The following PRKCE variants were observed in gnomAD, a reference collection of about 807,000 sequenced individuals.
The protein encoded by PRKCE is protein kinase C epsilon.
In PRKCE, 16 loss-of-function variants were observed where a neutral mutation model predicts 85.4. The ratio of observed to expected loss-of-function variants is 0.19; its 90% CI spans 0.13 to 0.28. PRKCE has a LOEUF of 0.28. Among genes scored for constraint, PRKCE ranks in the 10% least tolerant of loss-of-function variants. The probability of loss-of-function intolerance (pLI) is 1.00; values close to 1 mark genes in which losing one functional copy is unlikely to be tolerated. For synonymous variants in PRKCE, 388 were observed against 371.5 expected (o/e 1.04, Z -0.51); for missense variants, 573 against 975.2 (o/e 0.59, Z 5.49).
intron 6 of PRKCE, among the ~76,000 whole-genome samples, chr2:45,998,377 C>T (rs915439577): frequency 1.3e-5 from 2 of 152,286 alleles, no homozygotes; most frequent in East Asian, 1.9e-4. Context: ...GGTACATACA[C>T]GTTAAAAATT....
chr2:46,093,212 T>C (rs1284368184), intron 11 of PRKCE, among the ~76,000 whole-genome samples: 1 of 152,210 alleles, frequency 6.6e-6, no homozygotes, highest in East Asian at 1.9e-4. Flanking sequence ...ATGAGTTAAA[T>C]CAGGGAGGGC....
intron 10 of PRKCE, among the ~76,000 whole-genome samples, chr2:46,040,136 G>A (rs986723243): frequency 3.3e-5 from 5 of 152,226 alleles, no homozygotes; most frequent in African/African-American, 4.8e-5. Flanking sequence ...TACACACAGT[G>A]TTTAGACACA....
intron 1 of PRKCE, among the ~76,000 whole-genome samples, chr2:45,672,378 A>ACATC (rs1231960272): frequency 2.7e-5 from 4 of 150,454 alleles, no homozygotes; most frequent in Admixed American, 6.6e-5. Context: ...ATCCATCTCT[A>ACATC]CATCCATCCA....
At chr2:46,053,800 A>T (rs1360642717) in intron 10 of PRKCE, among the ~76,000 whole-genome samples, 1 of 152,146 alleles carries the variant, frequency 6.6e-6, no homozygotes, top group Non-Finnish European at 1.5e-5. Context: ...CATTTTTGCA[A>T]TTGCGAGTAA....
In PRKCE at chr2:45,893,659, G is replaced by A. The variant is rs888229677; in HGVS notation, c.412+50596G>A. Among the ~76,000 whole-genome samples the A allele has an allele frequency of 5.9e-5, 9 of 152,236 alleles. No individual in the cohort carries two copies. The East Asian group carries it at 1.7e-3, about 30-fold the overall frequency. On this transcript the variant is annotated intron_variant, in intron 2 of 14. Coordinates refer to ENST00000306156, the MANE Select transcript of PRKCE (RefSeq NM_005400.3). Reference sequence around the variant, plus strand: ...TTACAGGCATGAGCCACCAAGCCCAGCCTGGCTCATGTCTTTCTGCTTGGG... The same window carrying A: ...TTACAGGCATGAGCCACCAAGCCCAACCTGGCTCATGTCTTTCTGCTTGGG...
Position 46,075,187 on chromosome 2 carries a change from C to A in PRKCE, c.1438-11021C>A, listed in dbSNP as rs185035257. Reference sequence around the variant, plus strand: ...TCCCGAGTAGCTGGGACTGTAGGCACGCACCACCACGCCCGGCTAACTTTT... The same window carrying A: ...TCCCGAGTAGCTGGGACTGTAGGCAAGCACCACCACGCCCGGCTAACTTTT... On this transcript the variant is annotated intron_variant, in intron 10 of 14. Transcript: ENST00000306156. Among the ~76,000 whole-genome samples, 683 of 152,046 alleles carry A rather than the reference C, an allele frequency of 4.5e-3. 4 individuals are homozygous for A. Among genetic ancestry groups the A allele is most frequent in the African/African-American group, 0.015 (615 of 41,470 alleles).
chr2:45,813,431 T>C (rs1688794175), intron 1 of PRKCE, among the ~76,000 whole-genome samples: 1 of 152,192 alleles, frequency 6.6e-6, no homozygotes, highest in African/African-American at 2.4e-5. Context: ...GGAAGGGGCT[T>C]ATTCCTGAGC....
At chr2:45,744,482 TTTCTTTTTCTTTCTTTCTTTTC>T (rs1682927604) in intron 1 of PRKCE, among the ~76,000 whole-genome samples, 20 of 56,860 alleles carry the variant, frequency 3.5e-4, no homozygotes, top group Admixed American at 7.5e-4. Context: ...TCTTTCTTTC[TTTCTTTTTCTTTCTTTCTTTTC>T]TTTCTTTCTT....
rs1678242054 is a variant in PRKCE at position 45,697,381 on chromosome 2, C to T, written c.348+44933C>T. 9.0e-6 allele frequency among the ~76,000 whole-genome samples: 1 copy of T among 111,688 alleles called. No individual in the cohort carries two copies. Among genetic ancestry groups the T allele is most frequent in the Non-Finnish European group, 2.2e-5 (1 of 44,918 alleles). 73.3% of individuals were successfully genotyped at this position (111,688 alleles called of 152,430 possible). Reference sequence around the variant, plus strand: ...CTCTGCCTCTTAATGGCGCTCTGACCTTCTATTGTTTTTGGCCAAAATATG... The same window carrying T: ...CTCTGCCTCTTAATGGCGCTCTGACTTTCTATTGTTTTTGGCCAAAATATG... On this transcript the variant is annotated intron_variant, in intron 1 of 14. Transcript: ENST00000306156. The surrounding 1 kb of genome is among the most constrained non-coding windows in gnomAD (Gnocchi z 4.2).
intron 6 of PRKCE, among the ~76,000 whole-genome samples, chr2:45,987,286 T>G (rs932643377): frequency 6.6e-6 from 1 of 151,956 alleles, no homozygotes; most frequent in Non-Finnish European, 1.5e-5. Flanking sequence ...AGGGTATCTG[T>G]CCATGGGAGC....
chr2:45,875,818 C>T (rs746795688), intron 2 of PRKCE, among the ~76,000 whole-genome samples: 7 of 152,226 alleles, frequency 4.6e-5, no homozygotes, highest in African/African-American at 7.2e-5. Context: ...AAACTCATCA[C>T]AGACGTTTTA....
intron 11 of PRKCE, among the ~76,000 whole-genome samples, chr2:46,100,496 C>G (rs1175436584): frequency 6.6e-6 from 1 of 152,206 alleles, no homozygotes; most frequent in African/African-American, 2.4e-5. Context: ...AGCAGGGATG[C>G]TTGCTCAGAA....
intron 2 of PRKCE, among the ~76,000 whole-genome samples, chr2:45,904,057 C>G (rs1005610199): frequency 9.2e-5 from 14 of 151,948 alleles, no homozygotes; most frequent in Non-Finnish European, 7.4e-5. Context: ...GCACGCACTA[C>G]CACACCCAGG....
At chr2:45,893,806 A>G (rs939409603) in intron 2 of PRKCE, among the ~76,000 whole-genome samples, 1 of 152,056 alleles carries the variant, frequency 6.6e-6, no homozygotes, top group African/African-American at 2.4e-5. Flanking sequence ...AGGCTTCCCA[A>G]CTATGCGGTG....
chr2:45,876,044 T>G (rs1694450664), intron 2 of PRKCE, among the ~76,000 whole-genome samples: 1 of 152,180 alleles, frequency 6.6e-6, no homozygotes, highest in Non-Finnish European at 1.5e-5. Flanking sequence ...GCTTCCCAGA[T>G]TTTGGTCTCT....
chr2:45,821,526 G>T (rs1204399973), intron 1 of PRKCE, among the ~76,000 whole-genome samples: 1 of 152,160 alleles, frequency 6.6e-6, no homozygotes, highest in East Asian at 1.9e-4. Flanking sequence ...TGCCCAAGGG[G>T]TGTCTCAGAG....
At chr2:46,074,360 C>T (rs1001132087) in intron 10 of PRKCE, among the ~76,000 whole-genome samples, 2 of 147,006 alleles carry the variant, frequency 1.4e-5, no homozygotes, top group African/African-American at 5.0e-5. Context: ...TTCTAATCCC[C>T]TGGTTAGTCA....
chr2:45,968,943 A>C (rs1701920444), intron 2 of PRKCE, among the ~76,000 whole-genome samples: 1 of 151,980 alleles, frequency 6.6e-6, no homozygotes, highest in Admixed American at 6.6e-5. Flanking sequence ...GGCCAGGTGA[A>C]GTTAGGTAAA....
At chr2:46,055,277 A>C (rs1181722964) in intron 10 of PRKCE, among the ~76,000 whole-genome samples, 1 of 152,224 alleles carries the variant, frequency 6.6e-6, no homozygotes, top group Non-Finnish European at 1.5e-5. Flanking sequence ...GCTGGCGACC[A>C]AAAGTGCTCG....
Sources: allele counts gnomAD v4.1 joint callset (sites outside exome capture counted in the v4.1 genomes callset), GRCh38; gene constraint gnomAD v4.1.1; non-coding constraint Gnocchi (gnomAD v3.1); transcripts MANE v1.5; gene names NCBI Gene and HGNC (gene_info 2026-07-23, HGNC 2026-07-21).